The following CDH2 variants were observed in gnomAD, a reference collection of about 807,000 sequenced individuals.
CDH2 encodes the protein cadherin 2, also known as cadherin-2.
Under a neutral mutation model 92.0 loss-of-function variants are expected in CDH2, and 17 were observed. The ratio of observed to expected loss-of-function variants is 0.18; its 90% CI spans 0.13 to 0.28. The LOEUF is 0.28. Among genes scored for constraint, CDH2 ranks in the 10% least tolerant of loss-of-function variants. The pLI, the probability that CDH2 is intolerant of heterozygous loss-of-function variation, is 1.00. For missense variants in CDH2, 862 were observed against 1,133.1 expected, an observed-to-expected ratio of 0.76 and a Z score of 3.44; for synonymous variants, 419 against 415.9, an observed-to-expected ratio of 1.01 and a Z score of -0.09.
intron 2 of CDH2, among the ~76,000 whole-genome samples, chr18:28,028,982 T>C (rs1358969014): frequency 2.0e-5 from 3 of 152,198 alleles, no homozygotes; most frequent in East Asian, 3.8e-4. Context: ...AGTTCACTGA[T>C]GCCTTATTAT....
chr18:28,044,983 G>C (rs1393477923), intron 2 of CDH2, among the ~76,000 whole-genome samples: 2 of 151,874 alleles, frequency 1.3e-5, no homozygotes, highest in African/African-American at 4.8e-5. Context: ...TTGCTATTCA[G>C]AGCAATAGAT....
chr18:28,151,384 A>G (rs2016119052), intron 1 of CDH2, among the ~76,000 whole-genome samples: 1 of 152,186 alleles, frequency 6.6e-6, no homozygotes, highest in Non-Finnish European at 1.5e-5. Context: ...CTTTTTCATT[A>G]TAAAATACGT....
chr18:27,992,554 A>T, intron 9 of CDH2, 101 bp downstream of exon 9: 1 of 984,284 alleles, frequency 1.0e-6, no homozygotes, highest in East Asian at 2.4e-5. Flanking sequence ...TGTCTGAAAG[A>T]AAAACGTCCT....
chr18:28,064,479 T>C (rs1021623252), intron 2 of CDH2, among the ~76,000 whole-genome samples: 2 of 149,984 alleles, frequency 1.3e-5, no homozygotes, highest in African/African-American at 5.1e-5. Flanking sequence ...CCATGAGGCA[T>C]CAGCCAAAGC....
At chr18:28,021,808 T>C (rs886321605) in intron 2 of CDH2, among the ~76,000 whole-genome samples, 2 of 152,060 alleles carry the variant, frequency 1.3e-5, no homozygotes. Flanking sequence ...GTAAACATTA[T>C]ACCATATTTA....
At chr18:28,115,005 G>T (rs1187961439) in intron 2 of CDH2, among the ~76,000 whole-genome samples, 2 of 152,232 alleles carry the variant, frequency 1.3e-5, no homozygotes, top group East Asian at 1.9e-4. Context: ...GCCCAGTCCA[G>T]CTAAGTGTAA....
intron 11 of CDH2, 50 bp downstream of exon 11, chr18:27,988,474 T>G: frequency 2.0e-6 from 3 of 1,534,720 alleles, no homozygotes; most frequent in East Asian, 2.3e-5. Context: ...GCATGCATGA[T>G]GAGGATCTAC....
At chr18:28,104,847 T>C (rs2015295365) in intron 2 of CDH2, among the ~76,000 whole-genome samples, 1 of 151,934 alleles carries the variant, frequency 6.6e-6, no homozygotes, top group Non-Finnish European at 1.5e-5. Context: ...GAATTAATTA[T>C]GTGAATGAAG....
At chr18:27,998,863 GC>G (rs2012673131) in intron 7 of CDH2, among the ~76,000 whole-genome samples, 1 of 152,174 alleles carries the variant, frequency 6.6e-6, no homozygotes, top group Admixed American at 6.5e-5. Flanking sequence ...CAACTGATCT[GC>G]CTGCCTTGAG....
chr18:27,933,571 A>G (rs1908953459), intron 6 of CDH2, among the ~76,000 whole-genome samples: 1 of 152,184 alleles, frequency 6.6e-6, no homozygotes, highest in South Asian at 2.1e-4. Context: ...GAAAAAAAGA[A>G]AGAGAGAAAA....
intron 1 of CDH2, among the ~76,000 whole-genome samples, chr18:28,174,735 CAT>C (rs1292126924): frequency 6.6e-6 from 1 of 152,176 alleles, no homozygotes; most frequent in Non-Finnish European, 1.5e-5. Flanking sequence ...TTGTAACACA[CAT>C]AGATTTCCCA....
chr18:28,125,052 G>A (rs990365149), intron 2 of CDH2, among the ~76,000 whole-genome samples: 8 of 152,192 alleles, frequency 5.3e-5, no homozygotes, highest in African/African-American at 1.9e-4. Context: ...AGTTGGGCAG[G>A]GAAAGGGGAC....
intron 2 of CDH2, among the ~76,000 whole-genome samples, chr18:28,020,553 T>C (rs2013382150): frequency 1.3e-5 from 2 of 152,032 alleles, no homozygotes; most frequent in Admixed American, 6.6e-5. Context: ...ATTTTCCTTA[T>C]GAATGGCAGG....
chr18:28,056,049 G>A (rs143729492), intron 2 of CDH2, among the ~76,000 whole-genome samples: 178 of 151,920 alleles, frequency 1.2e-3, no homozygotes, highest in African/African-American at 4.0e-3. Flanking sequence ...CACGTTTTTG[G>A]TAAGTGAAGC....
intron 2 of CDH2, among the ~76,000 whole-genome samples, chr18:28,018,927 T>A (rs1599037888): frequency 1.3e-5 from 2 of 150,586 alleles, no homozygotes; most frequent in African/African-American, 4.9e-5. Context: ...ATATATTTAT[T>A]TATATATTTA....
chr18:28,141,205 A>C (rs1211111569), intron 2 of CDH2, among the ~76,000 whole-genome samples: 1 of 151,948 alleles, frequency 6.6e-6, no homozygotes, highest in Non-Finnish European at 1.5e-5. Context: ...AGGAACTCAG[A>C]AAAGTATACA....
At chr18:27,967,589 A>T (rs952625940) in intron 14 of CDH2, among the ~76,000 whole-genome samples, 1 of 152,234 alleles carries the variant, frequency 6.6e-6, no homozygotes, top group Admixed American at 6.5e-5. Context: ...TACAATGTTA[A>T]CTTCCCAAAG....
chr18:28,131,352 G>A (rs906249444), intron 2 of CDH2, among the ~76,000 whole-genome samples: 1 of 152,040 alleles, frequency 6.6e-6, no homozygotes, highest in Non-Finnish European at 1.5e-5. Context: ...CCCCAACTTT[G>A]TGGGAAAAAG....
chr18:28,077,361 G>A (rs1222884873), intron 2 of CDH2, among the ~76,000 whole-genome samples: 3 of 152,096 alleles, frequency 2.0e-5, no homozygotes, highest in African/African-American at 7.2e-5. Context: ...ATTTACAAAG[G>A]AAGATGTTAC....
Sources: allele counts gnomAD v4.1 joint callset (sites outside exome capture counted in the v4.1 genomes callset), GRCh38; gene constraint gnomAD v4.1.1; transcripts MANE v1.5; gene names NCBI Gene and HGNC (gene_info 2026-07-23, HGNC 2026-07-21).